Variants in SETD1B observed in about 807,000 individuals in gnomAD.
SETD1B encodes the protein histone-lysine N-methyltransferase SETD1B.
In SETD1B, 7 loss-of-function variants were observed where a neutral mutation model predicts 148.0. The ratio of observed to expected loss-of-function variants is 0.05; its 90% confidence interval spans 0.03 to 0.09. The LOEUF (loss-of-function observed/expected upper bound fraction) is 0.09, where lower values mean the gene tolerates loss of function less well. Ranked by LOEUF, SETD1B falls within the 10% of genes least tolerant of loss-of-function variation. SETD1B has a pLI of 1.00. For missense variants in SETD1B, 2,155 were observed against 2,729.9 expected, an observed-to-expected ratio of 0.79 and a Z score of 4.69; for synonymous variants, 1,361 against 1,186.5, an observed-to-expected ratio of 1.15 and a Z score of -3.02.
intron 5 of SETD1B, 134 bp from the exon 6 acceptor site, chr12:121,809,469 C>T: frequency 1.0e-6 from 1 of 973,206 alleles, no homozygotes; most frequent in Non-Finnish European, 1.5e-6. Context: ...CAATCTCCCC[C>T]ACTTCCATTC....
chr12:121,823,382 C>A lies in SETD1B; in HGVS notation c.4803C>A (p.Pro1601=). The A allele has an allele frequency of 6.8e-7, 1 of 1,465,520 alleles. No homozygotes were observed. Among genetic ancestry groups the A allele is most frequent in the Non-Finnish European group, 9.1e-7 (1 of 1,099,420 alleles). 90.8% of individuals were successfully genotyped at this position (1,465,520 alleles called of 1,614,324 possible). Residue 1601 remains proline, a synonymous_variant, in exon 12 of 17, where the codon CCC becomes CCA. Coordinates refer to ENST00000604567, the MANE Select transcript of SETD1B (RefSeq NM_001353345.2). ...PPPPPPPPVE[P]TKLPFKELDN... is the part of the protein sequence containing the mutation. The stretch of plus-strand genomic sequence containing the variant: ...CCCCACCTCCCCCACCTGTAGAGCC[C>A]ACCAAGCTGCCCTTTAAGGAGCTAG...
rs552984937 is a variant in SETD1B at position 121,819,576 on chromosome 12, C to T, written c.3591C>T (p.Ala1197=). The T allele has an allele frequency of 5.2e-5, 81 of 1,552,380 alleles. No homozygotes were observed. In the South Asian group the frequency reaches 7.0e-4, roughly 13 times the overall value. The change falls in exon 11 of 17, where the codon GCC becomes GCT. Residue 1197 remains alanine (A), a synonymous_variant. Transcript: ENST00000604567. The part of the protein sequence containing the change: ...EEEEEEEEMV[A]EESMASAGPE... The stretch of plus-strand genomic sequence containing the variant: ...AAGAGGAGGAGGAGGAGATGGTGGC[C>T]GAGGAAAGCATGGCTTCTGCAGGCC...
At chr12:121,821,558 A>G (rs1234684631) in intron 11 of SETD1B, among the ~76,000 whole-genome samples, 2 of 151,778 alleles carry the variant, frequency 1.3e-5, no homozygotes, top group African/African-American at 4.8e-5. Context: ...GAGACCAGCC[A>G]GGCCAGCATG....
At chr12:121,829,614 G>C (rs1439511030) in intron 16 of SETD1B, among the ~76,000 whole-genome samples, 2 of 152,212 alleles carry the variant, frequency 1.3e-5, no homozygotes, top group East Asian at 3.8e-4. Context: ...TTGGCTTGGT[G>C]GCTCAGATGA....
intron 11 of SETD1B, among the ~76,000 whole-genome samples, chr12:121,821,998 C>G (rs1246408140): frequency 6.6e-6 from 1 of 152,136 alleles, no homozygotes; most frequent in Non-Finnish European, 1.5e-5. Context: ...AGGAGGATCC[C>G]TTGAGCCCTG....
chr12:121,817,195 C>T lies in SETD1B; in HGVS notation c.2878C>T (p.Pro960Ser). 6.4e-7 allele frequency: 1 copy of T among 1,550,426 alleles called. No homozygotes were observed. Among genetic ancestry groups the T allele is most frequent in the Non-Finnish European group, 8.7e-7 (1 of 1,146,916 alleles). Reference sequence around the variant, plus strand: ...TGGGCTGCGTGGGGCCATTCGCCTGCCCTCCTTCAAGGTCAAGAGGAAGGA... The same window carrying T: ...TGGGCTGCGTGGGGCCATTCGCCTGTCCTCCTTCAAGGTCAAGAGGAAGGA... ...GIGLRGAIRL[P>S]SFKVKRKEPP... Residue 960 changes from proline (P) to serine (S), a missense_variant, in exon 8 of 17, where the codon CCC (proline) becomes TCC (serine). Physicochemically the swap from Pro to Ser is moderately conservative, Grantham distance 74. Transcript: ENST00000604567. This position sits in a 1 kb window ranked among gnomAD's most constrained non-coding sequence, Gnocchi z 8.1.
In SETD1B at chr12:121,804,618, A is replaced by G. The variant is rs1875620310; in HGVS notation, c.-14-106A>G. The stretch of plus-strand genomic sequence containing the variant: ...ACAGCTCCTTTCGGGGCGCGCTGGC[A>G]AGGTGGGAGGGGGTGGGGGCCTGCC... On this transcript the variant is annotated intron_variant, in intron 1 of 16. Transcript: ENST00000604567. This position sits in a 1 kb window ranked among gnomAD's most constrained non-coding sequence, Gnocchi z 4.6. The G allele has an allele frequency of 2.1e-6, 2 of 939,646 alleles. No individual in the cohort carries two copies. The highest frequency in any genetic ancestry group is 1.7e-5 in the African/African-American group (1 of 59,214). 58.2% of individuals were successfully genotyped at this position (939,646 alleles called of 1,614,324 possible).
At chr12:121,813,019 A>C (rs968251130) in intron 6 of SETD1B, among the ~76,000 whole-genome samples, 1 of 147,456 alleles carries the variant, frequency 6.8e-6, no homozygotes, top group African/African-American at 2.5e-5. Context: ...CTAAAGCCCC[A>C]CGCCCATCCT....
Position 121,814,718 on chromosome 12 carries a change from C to A in SETD1B, c.2503C>A (p.Pro835Thr). The A allele has an allele frequency of 6.4e-7, 1 of 1,551,020 alleles. No homozygotes were observed. Among genetic ancestry groups the A allele is most frequent in the Non-Finnish European group, 8.7e-7 (1 of 1,146,972 alleles). Residue 835 changes from proline to threonine, a missense_variant, in exon 7 of 17, where the codon CCA (proline) becomes ACA (threonine). Pro to Thr is a conservative substitution (Grantham distance 38). This residue lies in a region of SETD1B where 289 missense variants were observed against 423.7 expected (regional missense o/e 0.68). Transcript: ENST00000604567. ...NSGPGRGQHW[P>T]PLPKFDPSVP... Reference sequence around the variant, plus strand: ...CGGCCCAGGCCGCGGGCAGCACTGGCCACCACTGCCCAAGTTTGACCCGTC... The same window carrying A: ...CGGCCCAGGCCGCGGGCAGCACTGGACACCACTGCCCAAGTTTGACCCGTC...
chr12:121,805,721 TACCC>T lies in SETD1B; in HGVS notation c.274-113_274-110del, dbSNP rs1875709745. Reference sequence around the variant, plus strand: ...TTTTTTTTTTAATTTTTAGTTTTTTTACCCTTTATTGTTTTCAACGGGTGGGCGA... The same window carrying T: ...TTTTTTTTTTAATTTTTAGTTTTTTTTTTATTGTTTTCAACGGGTGGGCGA... On this transcript the variant is annotated intron_variant, in intron 3 of 16. Coordinates refer to ENST00000604567, the MANE Select transcript of SETD1B (RefSeq NM_001353345.2). The surrounding 1 kb of genome is among the most constrained non-coding windows in gnomAD (Gnocchi z 4.2). The T allele has an allele frequency of 4.1e-6, 4 of 986,406 alleles. No homozygotes were observed. In the South Asian group the frequency reaches 8.2e-5, roughly 20 times the overall value. The allele number at this position is 986,406 out of a possible 1,614,324, so 61.1% of individuals were successfully genotyped here.
At position 121,805,052 on chromosome 12, in the gene SETD1B, A is replaced by AT; in HGVS notation, c.175-66_175-65insT. ...CCTGGAGTTTGACAAGTGCCTCGAG[A>AT]AAGGGGTCTGCCCATGGGGAGGGGG... On this transcript the variant is annotated intron_variant, in intron 2 of 16. Coordinates refer to ENST00000604567, the MANE Select transcript of SETD1B (RefSeq NM_001353345.2). This position sits in a 1 kb window ranked among gnomAD's most constrained non-coding sequence, Gnocchi z 4.2. 6.6e-7 allele frequency: 1 copy of AT among 1,505,836 alleles called. No individual in the cohort carries two copies. The allele number at this position is 1,505,836 out of a possible 1,614,324, so 93.3% of individuals were successfully genotyped here.
At chr12:121,797,701 C>T in the SETD1B span, 67 of 430,266 alleles carry the variant, frequency 1.6e-4, no homozygotes, top group African/African-American at 1.3e-3. Context: ...AGTAAAGACC[C>T]CACCCGGAGA....
In SETD1B at chr12:121,814,879, G is replaced by A. The variant is rs1165600942; in HGVS notation, c.2664G>A (p.Val888=). 9 of 1,551,358 alleles carry A rather than the reference G, an allele frequency of 5.8e-6. No individual in the cohort carries two copies. In the East Asian group the frequency reaches 1.7e-4, roughly 29 times the overall value. ...TGAACCGCAAGATGGTGGAAGTGGT[G>A]GCTTTCCGGGCCTTTGACGAGTGGT... ...RDLNRKMVEV[V]AFRAFDEWWD... The change falls in exon 7 of 17, where the codon GTG becomes GTA. Residue 888 remains valine, a synonymous_variant. Coordinates refer to ENST00000604567, the MANE Select transcript of SETD1B (RefSeq NM_001353345.2).
In SETD1B at chr12:121,822,493, A is replaced by G. The variant is rs1227397642; in HGVS notation, c.3914A>G (p.His1305Arg). 5 of 1,542,336 alleles carry G rather than the reference A, an allele frequency of 3.2e-6. No homozygotes were observed. The highest frequency in any genetic ancestry group is 2.4e-5 in the South Asian group (2 of 83,348). The change falls in exon 12 of 17, where the codon CAT becomes CGT. Residue 1305 changes from histidine (H) to arginine (R), a missense_variant. Around this residue, in one of 11 missense-constraint regions of SETD1B, gnomAD observed 862 missense variants for 873.8 expected, o/e 0.99. Coordinates refer to ENST00000604567, the MANE Select transcript of SETD1B (RefSeq NM_001353345.2). ...PPLSPERAPE[H>R]DLEVEPEPPM... The stretch of plus-strand genomic sequence containing the variant: ...GTGTTCGCTCACCTCTCTGCAGAAC[A>G]TGACCTGGAAGTGGAGCCGGAGCCC...
In SETD1B at chr12:121,810,089, C is replaced by T. The variant is rs1383908398; in HGVS notation, c.1144C>T (p.Pro382Ser). ...GGATTCAGCCACATTTGCCCACACT[C>T]CACCACCCGCCCAAGCAACCCCTGC... ...PQDSATFAHT[P>S]PPAQATPAPG... is the part of the protein sequence containing the mutation. Residue 382 changes from proline to serine, a missense_variant, in exon 6 of 17, where the codon CCA (proline) becomes TCA (serine). Physicochemically the swap from Pro to Ser is moderately conservative, Grantham distance 74. This residue lies in a region of SETD1B where 376 missense variants were observed against 385.0 expected (regional missense o/e 0.98). Coordinates refer to ENST00000604567, the MANE Select transcript of SETD1B (RefSeq NM_001353345.2). The surrounding 1 kb of genome is among the most constrained non-coding windows in gnomAD (Gnocchi z 7.6). The T allele has an allele frequency of 6.5e-7, 1 of 1,550,224 alleles. No individual in the cohort carries two copies. Among genetic ancestry groups the T allele is most frequent in the South Asian group, 1.2e-5 (1 of 84,060 alleles).
chr12:121,823,069 C>A lies in SETD1B; in HGVS notation c.4490C>A (p.Pro1497His), dbSNP rs754316555. 6.6e-7 allele frequency: 1 copy of A among 1,513,416 alleles called. No homozygotes were observed. Among genetic ancestry groups the A allele is most frequent in the Non-Finnish European group, 8.8e-7 (1 of 1,132,106 alleles). 93.7% of individuals were successfully genotyped at this position (1,513,416 alleles called of 1,614,324 possible). A position where few individuals can be genotyped will look rare whatever the true frequency, so the allele number is the denominator to read the frequency against. ...PAVLRAQARA[P>H]TPLPPLLPAP... ...GTCTTGCGGGCCCAGGCTCGTGCGC[C>A]CACCCCGCTGCCACCCCTGCTGCCC... The change falls in exon 12 of 17, where the codon CCC (proline) becomes CAC (histidine). Residue 1497 changes from proline (P) to histidine (H), a missense_variant. This residue lies in a region of SETD1B where 862 missense variants were observed against 873.8 expected (regional missense o/e 0.99). Coordinates refer to ENST00000604567, the MANE Select transcript of SETD1B (RefSeq NM_001353345.2).
intron 5 of SETD1B, among the ~76,000 whole-genome samples, chr12:121,809,381 G>A (rs1372503687): frequency 6.6e-6 from 1 of 152,132 alleles, no homozygotes; most frequent in Non-Finnish European, 1.5e-5. Flanking sequence ...AATTAGGAAT[G>A]ACCCTCAAGG....
Position 121,814,094 on chromosome 12 carries a change from C to A in SETD1B, c.1891-12C>A, listed in dbSNP as rs1876163708. On this transcript the variant is annotated splice_polypyrimidine_tract_variant and intron_variant, in intron 6 of 16. Coordinates refer to ENST00000604567, the MANE Select transcript of SETD1B (RefSeq NM_001353345.2). ...AGACTCACCTCACTGTCTCTCCCTG[C>A]TCTCTCTGCAGGGCCAGCAGTCCTC... The A allele has an allele frequency of 1.3e-6, 2 of 1,545,186 alleles. No individual in the cohort carries two copies. The highest frequency in any genetic ancestry group is 2.5e-5 in the East Asian group (1 of 40,768).
rs181665281 is a variant in SETD1B, at chr12:121,825,482, A to C, written c.5337+116A>C. 46 of 925,570 alleles carry C rather than the reference A, an allele frequency of 5.0e-5. No homozygotes were observed. The East Asian group carries it at 1.3e-3, about 26-fold the overall frequency. The allele number at this position is 925,570 out of a possible 1,614,324, so 57.3% of individuals were successfully genotyped here. ...GAGTTGTGAGGCCAGAGGGGCTGGCACACAGAGGGTGCAAGTGGAAGGGGA... is the reference window on the plus strand; with the variant it reads ...GAGTTGTGAGGCCAGAGGGGCTGGCCCACAGAGGGTGCAAGTGGAAGGGGA... On this transcript the variant is annotated intron_variant, in intron 13 of 16. Coordinates refer to ENST00000604567, the MANE Select transcript of SETD1B (RefSeq NM_001353345.2).
Sources: allele counts gnomAD v4.1 joint callset (sites outside exome capture counted in the v4.1 genomes callset), GRCh38; gene constraint gnomAD v4.1.1; regional missense constraint gnomAD v4.1.1; non-coding constraint Gnocchi (gnomAD v3.1); transcripts MANE v1.5; gene names NCBI Gene and HGNC (gene_info 2026-07-23, HGNC 2026-07-21).